The following CLMP variants were observed in gnomAD, a reference collection of about 807,000 sequenced individuals.
CLMP encodes the protein CXADR-like membrane protein.
CLMP carries 27 observed loss-of-function variants against 45.2 expected under a neutral mutation model. That is an observed-to-expected ratio of 0.60 (90% CI 0.44 to 0.82). The LOEUF (loss-of-function observed/expected upper bound fraction) is 0.82. Among genes scored for constraint, CLMP ranks in the 40% least tolerant of loss-of-function variants. The pLI is 0.00. For synonymous variants in CLMP, 167 were observed against 171.4 expected (o/e 0.97, Z 0.20); for missense variants, 403 against 448.4 (o/e 0.90, Z 0.91).
chr11:123,149,488 T>TCAACACC (rs1861282495), intron 1 of CLMP, among the ~76,000 whole-genome samples: 1 of 152,202 alleles, frequency 6.6e-6, no homozygotes, highest in East Asian at 1.9e-4. Flanking sequence ...GGGTTCTGTT[T>TCAACACC]ATCTTGGAGT....
intron 1 of CLMP, among the ~76,000 whole-genome samples, chr11:123,185,293 A>C (rs1004472503): frequency 1.3e-5 from 2 of 152,060 alleles, no homozygotes; most frequent in Non-Finnish European, 2.9e-5. Flanking sequence ...CAATACATGA[A>C]AGATGAGCTT....
intron 1 of CLMP, among the ~76,000 whole-genome samples, chr11:123,138,559 A>G (rs1383735926): frequency 6.6e-6 from 1 of 152,016 alleles, no homozygotes; most frequent in Non-Finnish European, 1.5e-5. Context: ...TTTGATGTAG[A>G]GTCCAAATCT....
chr11:123,148,444 G>T (rs1861268993), intron 1 of CLMP, among the ~76,000 whole-genome samples: 1 of 152,152 alleles, frequency 6.6e-6, no homozygotes, highest in Admixed American at 6.5e-5. Flanking sequence ...AAAAGAATGA[G>T]GAGAAAATCC....
At chr11:123,186,312 C>T (rs905107746) in intron 1 of CLMP, among the ~76,000 whole-genome samples, 9 of 152,128 alleles carry the variant, frequency 5.9e-5, no homozygotes, top group African/African-American at 1.2e-4. Context: ...AAAGCAGAAA[C>T]GAACCAACCA....
intron 5 of CLMP, among the ~76,000 whole-genome samples, chr11:123,076,224 A>G (rs1865738981): frequency 6.6e-6 from 1 of 152,214 alleles, no homozygotes; most frequent in Non-Finnish European, 1.5e-5. Context: ...CTATAATGTT[A>G]GACTCTGTGG....
intron 3 of CLMP, 60 bp from the exon 4 acceptor site, chr11:123,083,907 C>T: frequency 1.9e-6 from 3 of 1,585,828 alleles, no homozygotes; most frequent in Non-Finnish European, 2.6e-6. Flanking sequence ...ACACCAGATT[C>T]AATGGAAAAA....
intron 3 of CLMP, 81 bp from the exon 4 acceptor site, chr11:123,083,928 T>C (rs1345702605): frequency 6.6e-7 from 1 of 1,508,418 alleles, no homozygotes; most frequent in Non-Finnish European, 9.0e-7. Flanking sequence ...TTATGTCCTA[T>C]TGAGTTGCTT....
intron 1 of CLMP, among the ~76,000 whole-genome samples, chr11:123,110,041 C>G (rs1425509674): frequency 2.6e-5 from 4 of 152,152 alleles, no homozygotes; most frequent in Admixed American, 6.6e-5. Flanking sequence ...ATTTAAAAGG[C>G]CACAAAACAA....
chr11:123,116,527 C>G (rs1372455521), intron 1 of CLMP, among the ~76,000 whole-genome samples: 1 of 152,134 alleles, frequency 6.6e-6, no homozygotes. Flanking sequence ...GAGATCACAC[C>G]ACTGCATGCC....
At position 123,084,519 on chromosome 11, in the gene CLMP, T is replaced by C. The variant is rs1486898203; in HGVS notation, c.381A>G (p.Lys127=). The C allele has an allele frequency of 6.2e-7, 1 of 1,613,752 alleles. No homozygotes were observed. Among genetic ancestry groups the C allele is most frequent in the Admixed American group, 1.7e-5 (1 of 59,990 alleles). The change falls in exon 3 of 7, where the codon AAA becomes AAG. Residue 127 remains lysine, a synonymous_variant. Coordinates refer to ENST00000448775, the MANE Select transcript of CLMP (RefSeq NM_024769.5). ...GRYVWSHVIL[K]VLVRPSKPKC... ...TTTGGCATCCTATCTTACCTAAGAC[T>C]TTTAAGATGACATGGCTCCACACGT...
chr11:123,143,912 G>A (rs925847407), intron 1 of CLMP, among the ~76,000 whole-genome samples: 4 of 151,712 alleles, frequency 2.6e-5, no homozygotes, highest in Admixed American at 6.6e-5. Context: ...AGGTCCAAGC[G>A]ATCCTCCTAC....
chr11:123,143,307 C>T (rs7111575), intron 1 of CLMP, among the ~76,000 whole-genome samples: 42,745 of 152,110 alleles, frequency 0.28, 6,631 homozygotes, highest in African/African-American at 0.42. Flanking sequence ...GTCCCCGACC[C>T]TCACTTTCAA....
At chr11:123,172,091 C>T (rs767028670) in intron 1 of CLMP, among the ~76,000 whole-genome samples, 5 of 151,952 alleles carry the variant, frequency 3.3e-5, no homozygotes, top group African/African-American at 4.8e-5. Flanking sequence ...ATCTGTTTTA[C>T]GAGCAGTGTT....
At chr11:123,096,532 A>T (rs1383180243) in intron 2 of CLMP, among the ~76,000 whole-genome samples, 1 of 152,152 alleles carries the variant, frequency 6.6e-6, no homozygotes, top group Non-Finnish European at 1.5e-5. Flanking sequence ...CCAAAATAAA[A>T]AAATAAATAA....
At chr11:123,136,257 T>C (rs559282545) in intron 1 of CLMP, 30 of 652,870 alleles carry the variant, frequency 4.6e-5, no homozygotes, top group African/African-American at 4.3e-4. Context: ...TTTTCCACCA[T>C]AGATCCCGAA....
chr11:123,135,327 T>TA (rs71279498), intron 1 of CLMP, among the ~76,000 whole-genome samples: 19,682 of 134,672 alleles, frequency 0.15, 1,575 homozygotes, highest in Non-Finnish European at 0.19. Flanking sequence ...TCTCAAAAGT[T>TA]AAAAAAAAGG....
Position 123,097,904 on chromosome 11 carries a change from A to C in CLMP, c.77T>G (p.Val26Gly). 7 of 1,607,246 alleles carry C rather than the reference A, an allele frequency of 4.4e-6. No individual in the cohort carries two copies. The highest frequency in any genetic ancestry group is 5.1e-6 in the Non-Finnish European group (6 of 1,177,060). ...GGGCAAAGTGACCTTTTCCTCTGCC[A>C]CTCTCTTGATCTCAGTGTGAGTCCC... Reference protein sequence around the residue: ...TLGTHTEIKRVAEEKVTLPCH... With the variant: ...TLGTHTEIKRGAEEKVTLPCH... Residue 26 changes from valine (V) to glycine (G), a missense_variant, in exon 2 of 7, where the codon GTG becomes GGG. Coordinates refer to ENST00000448775, the MANE Select transcript of CLMP (RefSeq NM_024769.5).
At chr11:123,183,065 A>G (rs1386630632) in intron 1 of CLMP, among the ~76,000 whole-genome samples, 3 of 152,196 alleles carry the variant, frequency 2.0e-5, no homozygotes, top group African/African-American at 7.2e-5. Flanking sequence ...CTTCTGTCAA[A>G]TGTGCCTTCA....
intron 1 of CLMP, among the ~76,000 whole-genome samples, chr11:123,179,109 G>A (rs111745344): frequency 3.3e-4 from 50 of 152,212 alleles, no homozygotes; most frequent in African/African-American, 6.7e-4. Context: ...TTAAAACATC[G>A]CTTTATAAAT....
Sources: allele counts gnomAD v4.1 joint callset (sites outside exome capture counted in the v4.1 genomes callset), GRCh38; gene constraint gnomAD v4.1.1; transcripts MANE v1.5; gene names NCBI Gene and HGNC (gene_info 2026-07-23, HGNC 2026-07-21).